MGMT: variants seen among roughly 807,000 people sequenced by gnomAD.
The protein encoded by MGMT is O-6-methylguanine-DNA methyltransferase, also known as methylated-DNA--protein-cysteine methyltransferase.
Under a neutral mutation model 15.9 loss-of-function variants are expected in MGMT, and 14 were observed. The observed-to-expected ratio is 0.88, with a 90% CI of 0.58 to 1.37. The LOEUF (loss-of-function observed/expected upper bound fraction) is 1.37, where lower values mean the gene tolerates loss of function less well. Ranked by LOEUF, MGMT falls within the 40% of genes most tolerant of loss-of-function variation. MGMT has a pLI of 0.00. For missense variants in MGMT, 282 were observed against 268.1 expected, an observed-to-expected ratio of 1.05 and a Z score of -0.36; for synonymous variants, 130 against 118.2, an observed-to-expected ratio of 1.10 and a Z score of -0.65.
At position 129,562,673 on chromosome 10, in the gene MGMT, T is replaced by A. The variant is rs143314996; in HGVS notation, c.125+26296T>A. ...ACTCTGGCCAGGGGAGGGGATATGC[T>A]GGTTCTGGAGTCTGAGAAGATGGGG... On this transcript the variant is annotated intron_variant, in intron 2 of 4. Coordinates refer to ENST00000651593, the MANE Select transcript of MGMT (RefSeq NM_002412.5). 2.4e-3 allele frequency among the ~76,000 whole-genome samples: 359 copies of A among 152,294 alleles called. 2 individuals carry two copies. Among genetic ancestry groups the A allele is most frequent in the African/African-American group, 8.3e-3 (344 of 41,560 alleles).
chr10:129,485,450 C>A (rs1370153945), intron 1 of MGMT, among the ~76,000 whole-genome samples: 3 of 152,180 alleles, frequency 2.0e-5, no homozygotes, highest in African/African-American at 7.2e-5. Context: ...TAGCCCCTGG[C>A]TGCTGTTGTC....
In MGMT at chr10:129,623,045, C is replaced by T. The variant is rs770656515; in HGVS notation, c.126-84850C>T. 7.2e-4 allele frequency among the ~76,000 whole-genome samples: 110 copies of T among 152,328 alleles called. 1 individual carries two copies. Among genetic ancestry groups the T allele is most frequent in the South Asian group, 4.1e-3 (20 of 4,834 alleles). ...TGCAGAGGAGCCAGCCGGATGGCAT[C>T]GTCCTTACCGAGCTCTCTGGTTGTC... On this transcript the variant is annotated intron_variant, in intron 2 of 4. Transcript: ENST00000651593.
At chr10:129,574,833 C>T (rs984853727) in intron 2 of MGMT, among the ~76,000 whole-genome samples, 1 of 152,162 alleles carries the variant, frequency 6.6e-6, no homozygotes, top group Non-Finnish European at 1.5e-5. Flanking sequence ...TTGCTGCCTT[C>T]ATAGCTTTTT....
Position 129,568,238 on chromosome 10 carries a change from T to G in MGMT, c.125+31861T>G, listed in dbSNP as rs150833646. On this transcript the variant is annotated intron_variant, in intron 2 of 4. Transcript: ENST00000651593. ...AGGTTTTTGGTGCTTTTTAAAGGAC[T>G]GTGATAATGATGTTATTCCCAAGAT... Among the ~76,000 whole-genome samples, 1,155 of 152,318 alleles carry G rather than the reference T, an allele frequency of 7.6e-3. 11 individuals carry two copies. The highest frequency in any genetic ancestry group is 0.013 in the Non-Finnish European group (888 of 68,036).
intron 2 of MGMT, among the ~76,000 whole-genome samples, chr10:129,554,267 G>A (rs1846189333): frequency 6.6e-6 from 1 of 152,228 alleles, no homozygotes; most frequent in Admixed American, 6.5e-5. Context: ...AATACAGAAA[G>A]TACAAAGGAA....
intron 2 of MGMT, among the ~76,000 whole-genome samples, chr10:129,560,295 A>C (rs1846261968): frequency 1.3e-5 from 2 of 152,232 alleles, no homozygotes; most frequent in South Asian, 2.1e-4. Flanking sequence ...TGTGTATATG[A>C]TATAGAACAC....
Position 129,716,326 on chromosome 10 carries a change from C to CT in MGMT, c.274+8291dup, listed in dbSNP as rs556746980. Among the ~76,000 whole-genome samples the CT allele has an allele frequency of 2.1e-3, 326 of 152,212 alleles. 1 individual carries two copies. Among genetic ancestry groups the CT allele is most frequent in the Non-Finnish European group, 2.8e-3 (193 of 68,020 alleles). ...AGTGTAGCTGTTACTATGACAACGA[C>CT]TTTTTTTTCTTGAGTACTGTTTTTA... On this transcript the variant is annotated intron_variant, in intron 3 of 4. Coordinates refer to ENST00000651593, the MANE Select transcript of MGMT (RefSeq NM_002412.5).
At chr10:129,757,254 A>T (rs1423961829) in intron 3 of MGMT, among the ~76,000 whole-genome samples, 1 of 152,214 alleles carries the variant, frequency 6.6e-6, no homozygotes, top group Non-Finnish European at 1.5e-5. Context: ...TTATTATACG[A>T]TACTTTTACA....
Position 129,569,284 on chromosome 10 carries a change from G to A in MGMT, c.125+32907G>A, listed in dbSNP as rs113775367. On this transcript the variant is annotated intron_variant, in intron 2 of 4. Transcript: ENST00000651593. ...AAGTCAGTTTTCTGAGGTCGTGGTGGGGGCGGGGGTGAGGGTGGCAATGGA... is the reference window on the plus strand; with the variant it reads ...AAGTCAGTTTTCTGAGGTCGTGGTGAGGGCGGGGGTGAGGGTGGCAATGGA... 5.5e-3 allele frequency among the ~76,000 whole-genome samples: 838 copies of A among 152,328 alleles called. 3 individuals are homozygous for A. Among genetic ancestry groups the A allele is most frequent in the African/African-American group, 0.019 (806 of 41,580 alleles).
chr10:129,564,940 C>T (rs1013943662), intron 2 of MGMT, among the ~76,000 whole-genome samples: 3 of 152,092 alleles, frequency 2.0e-5, no homozygotes, highest in African/African-American at 7.2e-5. Flanking sequence ...ATGGTGCTGG[C>T]GGATGGCGCC....
At chr10:129,731,773 C>T (rs1308572937) in intron 3 of MGMT, among the ~76,000 whole-genome samples, 1 of 152,132 alleles carries the variant, frequency 6.6e-6, no homozygotes, top group African/African-American at 2.4e-5. Flanking sequence ...TAATATGCTT[C>T]TGGAAATGAG....
At chr10:129,625,846 T>C (rs950325122) in intron 2 of MGMT, among the ~76,000 whole-genome samples, 5 of 152,230 alleles carry the variant, frequency 3.3e-5, no homozygotes, top group Non-Finnish European at 7.3e-5. Context: ...TTTCAAGTGC[T>C]CTACCTTCAA....
In MGMT at chr10:129,534,456, G is replaced by A. The variant is rs940785273; in HGVS notation, c.-12-1785G>A. 3.3e-5 allele frequency among the ~76,000 whole-genome samples: 5 copies of A among 152,072 alleles called. No homozygotes were observed. In the East Asian group the frequency reaches 7.8e-4, roughly 24 times the overall value. Reference sequence around the variant, plus strand: ...ACAGAAAAGGGGAGGTTTTGCAGGCGGCTCTGGAGTGTGACAGTTGAGGAT... The same window carrying A: ...ACAGAAAAGGGGAGGTTTTGCAGGCAGCTCTGGAGTGTGACAGTTGAGGAT... On this transcript the variant is annotated intron_variant, in intron 1 of 4. Coordinates refer to ENST00000651593, the MANE Select transcript of MGMT (RefSeq NM_002412.5).
At chr10:129,726,081 A>G (rs987107476) in intron 3 of MGMT, among the ~76,000 whole-genome samples, 1 of 152,042 alleles carries the variant, frequency 6.6e-6, no homozygotes, top group African/African-American at 2.4e-5. Flanking sequence ...CCAGACTCTC[A>G]GTGCAATGAG....
chr10:129,551,068 G>C (rs1229305937), intron 2 of MGMT, among the ~76,000 whole-genome samples: 1 of 152,166 alleles, frequency 6.6e-6, no homozygotes, highest in Non-Finnish European at 1.5e-5. Context: ...AGAAACCCGA[G>C]GCCCAGAGGT....
At chr10:129,684,548 C>T (rs1048845389) in intron 2 of MGMT, among the ~76,000 whole-genome samples, 2 of 152,208 alleles carry the variant, frequency 1.3e-5, no homozygotes, top group African/African-American at 4.8e-5. Flanking sequence ...ATTTCTTAAA[C>T]ATCTAATAAA....
intron 1 of MGMT, among the ~76,000 whole-genome samples, chr10:129,493,254 T>C (rs1005219447): frequency 4.6e-5 from 7 of 152,166 alleles, no homozygotes; most frequent in Non-Finnish European, 7.3e-5. Flanking sequence ...TCTAGGACTT[T>C]CTAAGGCTTC....
At chr10:129,610,303 C>T (rs1385055650) in intron 2 of MGMT, among the ~76,000 whole-genome samples, 2 of 152,144 alleles carry the variant, frequency 1.3e-5, no homozygotes, top group African/African-American at 2.4e-5. Context: ...CCTGTCAGGC[C>T]CATGTCATCT....
intron 1 of MGMT, among the ~76,000 whole-genome samples, chr10:129,490,211 T>A (rs1589833249): frequency 6.6e-6 from 1 of 152,292 alleles, no homozygotes; most frequent in East Asian, 1.9e-4. Context: ...CCTCTACTGT[T>A]CCTTGAAAAC....
Sources: allele counts gnomAD v4.1 joint callset (sites outside exome capture counted in the v4.1 genomes callset), GRCh38; gene constraint gnomAD v4.1.1; transcripts MANE v1.5; gene names NCBI Gene and HGNC (gene_info 2026-07-23, HGNC 2026-07-21).